Variants in EVL observed in about 807,000 individuals in gnomAD.
The protein encoded by EVL is ena/VASP-like protein.
In EVL, 21 loss-of-function variants were observed where a neutral mutation model predicts 59.6. The ratio of observed to expected loss-of-function variants is 0.35; its 90% confidence interval spans 0.25 to 0.51. EVL has a LOEUF of 0.51. Ranked by LOEUF, EVL falls within the 20% of genes least tolerant of loss-of-function variation. The pLI is 0.97. For synonymous variants in EVL, 198 were observed against 203.5 expected, an observed-to-expected ratio of 0.97 and a Z score of 0.23; for missense variants, 462 against 546.6, an observed-to-expected ratio of 0.85 and a Z score of 1.54.
chr14:100,079,347 T>C (rs1205846218), intron 1 of EVL, among the ~76,000 whole-genome samples: 1 of 152,204 alleles, frequency 6.6e-6, no homozygotes, highest in Non-Finnish European at 1.5e-5. Context: ...AAATGCACTG[T>C]TTTTCCCACA....
Position 100,109,065 on chromosome 14 carries a change from ATGTCCAGCAGTGAAG to A in EVL, c.358+11408_358+11422del, listed in dbSNP as rs1370859761. On this transcript the variant is annotated intron_variant, in intron 3 of 13. Coordinates refer to ENST00000392920, the MANE Select transcript of EVL (RefSeq NM_016337.3). This position sits in a 1 kb window ranked among gnomAD's most constrained non-coding sequence, Gnocchi z 4.3. ...CTCAGCATCGAGGTCCTGTGGGACC[ATGTCCAGCAGTGAAG>A]GCTGTGCATTGGCCTGAGCCCCTGG... Among the ~76,000 whole-genome samples, 8 of 152,194 alleles carry A rather than the reference ATGTCCAGCAGTGAAG, an allele frequency of 5.3e-5. No homozygotes were observed. The South Asian group carries it at 1.5e-3, about 28-fold the overall frequency.
intron 1 of EVL, among the ~76,000 whole-genome samples, chr14:100,040,124 C>T (rs1328766844): frequency 6.6e-6 from 1 of 152,202 alleles, no homozygotes; most frequent in Non-Finnish European, 1.5e-5. Context: ...TTTGTGTTTG[C>T]TTGTGGCACT....
intron 1 of EVL, among the ~76,000 whole-genome samples, chr14:100,047,635 T>G (rs1459945225): frequency 6.6e-6 from 1 of 152,190 alleles, no homozygotes; most frequent in Non-Finnish European, 1.5e-5. Context: ...TATTGTAATA[T>G]CAAAAACTGA....
Position 100,107,326 on chromosome 14 carries a change from T to C in EVL, c.358+9668T>C, listed in dbSNP as rs563528439. The C allele has an allele frequency of 1.0e-5, 4 of 398,158 alleles. No individual in the cohort carries two copies. In the East Asian group the frequency reaches 1.4e-4, roughly 14 times the overall value. 24.7% of individuals were successfully genotyped at this position (398,158 alleles called of 1,614,324 possible). The stretch of plus-strand genomic sequence containing the variant: ...TAGTGGGAGTGAATTTTAAAGAAAA[T>C]CCCCCTCAAAGCCTCTGCTGGTGTA... On this transcript the variant is annotated intron_variant, in intron 3 of 13. Coordinates refer to ENST00000392920, the MANE Select transcript of EVL (RefSeq NM_016337.3).
intron 1 of EVL, among the ~76,000 whole-genome samples, chr14:99,976,120 A>G (rs2060768628): frequency 6.6e-6 from 1 of 152,068 alleles, no homozygotes; most frequent in South Asian, 2.1e-4. Flanking sequence ...CTACAGCCTT[A>G]AACTCCCACC....
At chr14:100,006,028 C>T (rs914306967) in intron 1 of EVL, among the ~76,000 whole-genome samples, 5 of 149,354 alleles carry the variant, frequency 3.3e-5, no homozygotes, top group Admixed American at 6.7e-5. Flanking sequence ...CCCCCCACAC[C>T]GACAACACTT....
chr14:100,037,592 A>G (rs1358338584), intron 1 of EVL, among the ~76,000 whole-genome samples: 2 of 152,242 alleles, frequency 1.3e-5, no homozygotes, highest in Non-Finnish European at 2.9e-5. Flanking sequence ...ATGTGTTTCA[A>G]GTCTTCAGCA....
chr14:100,027,824 G>A (rs1208416224), intron 1 of EVL, among the ~76,000 whole-genome samples: 2 of 152,058 alleles, frequency 1.3e-5, no homozygotes, highest in African/African-American at 2.4e-5. Flanking sequence ...ACAGGCATGC[G>A]CCACTATGCC....
chr14:100,020,481 G>GCA (rs142607516), intron 1 of EVL, among the ~76,000 whole-genome samples: 1 of 150,850 alleles, frequency 6.6e-6, no homozygotes, highest in South Asian at 2.1e-4. Context: ...GTGTGTGCAC[G>GCA]CACACACACA....
chr14:100,084,714 T>A lies in EVL; in HGVS notation c.39T>A (p.Ala13=). The A allele has an allele frequency of 6.2e-7, 1 of 1,614,132 alleles. No individual in the cohort carries two copies. Among genetic ancestry groups the A allele is most frequent in the Non-Finnish European group, 8.5e-7 (1 of 1,180,002 alleles). The change falls in exon 2 of 14, where the codon GCT becomes GCA. Residue 13 remains alanine (A), a synonymous_variant. Transcript: ENST00000392920. ...AACAGAGTATCTGCCAAGCCCGGGCTTCCGTGATGGTCTACGATGACACCA... is the reference window on the plus strand; with the variant it reads ...AACAGAGTATCTGCCAAGCCCGGGCATCCGTGATGGTCTACGATGACACCA... ...TSEQSICQAR[A]SVMVYDDTSK...
At chr14:100,089,382 A>G (rs558256447) in intron 2 of EVL, among the ~76,000 whole-genome samples, 3 of 152,278 alleles carry the variant, frequency 2.0e-5, no homozygotes, top group Non-Finnish European at 4.4e-5. Flanking sequence ...ATGCTGGGCC[A>G]TAAAGCAAGT....
At chr14:100,115,207 A>G (rs1225486369) in intron 3 of EVL, among the ~76,000 whole-genome samples, 2 of 152,044 alleles carry the variant, frequency 1.3e-5, no homozygotes, top group African/African-American at 2.4e-5. Context: ...AGGGAAAACA[A>G]CTCCCCTAAG....
chr14:100,025,545 A>G (rs2061195809), intron 1 of EVL, among the ~76,000 whole-genome samples: 1 of 152,160 alleles, frequency 6.6e-6, no homozygotes, highest in South Asian at 2.1e-4. Context: ...ATCACATATC[A>G]CCATCTATAT....
intron 3 of EVL, among the ~76,000 whole-genome samples, chr14:100,116,666 C>T (rs1328619667): frequency 4.6e-5 from 7 of 152,210 alleles, no homozygotes; most frequent in Admixed American, 6.5e-5. Flanking sequence ...CACCATACCT[C>T]GCGGAGGATG....
chr14:100,126,615 T>C (rs1048044482), intron 4 of EVL, 92 bp from the exon 5 acceptor site: 17 of 1,430,558 alleles, frequency 1.2e-5, no homozygotes, highest in Admixed American at 1.8e-5. Flanking sequence ...AACCTGACTC[T>C]GAAGCCGGGG....
chr14:100,126,899 G>A, intron 5 of EVL, 128 bp downstream of exon 5: 2 of 780,268 alleles, frequency 2.6e-6, no homozygotes, highest in Non-Finnish European at 4.1e-6. Context: ...GTCTCAAAGT[G>A]CAACCACCAC....
At chr14:100,099,774 T>C (rs970646244) in intron 3 of EVL, among the ~76,000 whole-genome samples, 2 of 151,496 alleles carry the variant, frequency 1.3e-5, no homozygotes, top group Non-Finnish European at 2.9e-5. Context: ...AGAGTTTCAC[T>C]ATGTTGGCCA....
chr14:100,045,429 GTGT>G (rs1341086366), intron 1 of EVL, among the ~76,000 whole-genome samples: 1 of 152,124 alleles, frequency 6.6e-6, no homozygotes, highest in Non-Finnish European at 1.5e-5. Context: ...CCTATCCGTG[GTGT>G]TTAGCATGAG....
rs58443751 is a variant in EVL at position 99,991,960 on chromosome 14, C to CTGTGTGTGTGTGTGTGTG, written c.5+19923_5+19940dup. ...CCCCTGCATTGTTTGAGGGTCAACT[C>CTGTGTGTGTGTGTGTGTG]TGTGTGTGTGTGTGTGTGTGTGTGT... On this transcript the variant is annotated intron_variant, in intron 1 of 13. Coordinates refer to the EVL transcript ENST00000402714. Among the ~76,000 whole-genome samples, 173 of 144,332 alleles carry CTGTGTGTGTGTGTGTGTG rather than the reference C, an allele frequency of 1.2e-3. 1 individual carries two copies. The highest frequency in any genetic ancestry group is 3.5e-3 in the Middle Eastern group (1 of 286). The allele number at this position is 144,332 out of a possible 152,430, so 94.7% of individuals were successfully genotyped here. A position where few individuals can be genotyped will look rare whatever the true frequency, so the allele number is the denominator to read the frequency against.
Sources: allele counts gnomAD v4.1 joint callset (sites outside exome capture counted in the v4.1 genomes callset), GRCh38; gene constraint gnomAD v4.1.1; non-coding constraint Gnocchi (gnomAD v3.1); transcripts MANE v1.5; gene names NCBI Gene and HGNC (gene_info 2026-07-23, HGNC 2026-07-21).